Variants in FLYWCH2 observed in about 807,000 individuals in gnomAD.
FLYWCH2 encodes FLYWCH family member 2.
Under a neutral mutation model 6.0 loss-of-function variants are expected in FLYWCH2, and 2 were observed. The observed-to-expected ratio is 0.33, with a 90% CI of 0.14 to 1.04. The LOEUF (loss-of-function observed/expected upper bound fraction) is 1.04. Among genes scored for constraint, FLYWCH2 ranks in the 50% least tolerant of loss-of-function variants. The pLI, the probability that FLYWCH2 is intolerant of heterozygous loss-of-function variation, is 0.45. For missense variants in FLYWCH2, 192 were observed against 183.4 expected, an observed-to-expected ratio of 1.05 and a Z score of -0.27; for synonymous variants, 87 against 79.3, an observed-to-expected ratio of 1.10 and a Z score of -0.52.
intron 1 of FLYWCH2, among the ~76,000 whole-genome samples, chr16:2,887,824 C>T (rs2069715525): frequency 6.6e-6 from 1 of 152,002 alleles, no homozygotes; most frequent in African/African-American, 2.4e-5. Flanking sequence ...ACATCACCCT[C>T]CCAAAGTACT....
rs145624480 is a variant in FLYWCH2 at position 2,889,945 on chromosome 16, C to T, written c.-199-5275C>T. ...ATTAAAAATACGATAATTAGCCAGG[C>T]GTAGTGGTGCGTGTCTGTAGTCTCA... On this transcript the variant is annotated intron_variant, in intron 1 of 3. Transcript: ENST00000396958. 2.3e-3 allele frequency among the ~76,000 whole-genome samples: 357 copies of T among 152,074 alleles called. 2 individuals carry two copies. The highest frequency in any genetic ancestry group is 7.9e-3 in the African/African-American group (329 of 41,480).
chr16:2,887,309 C>CT (rs1404704064), intron 1 of FLYWCH2, among the ~76,000 whole-genome samples: 16 of 119,104 alleles, frequency 1.3e-4, no homozygotes, highest in South Asian at 3.2e-4. Flanking sequence ...CCATGCCCGG[C>CT]TTTCTTTTTT....
Position 2,895,224 on chromosome 16 carries a change from G to C in FLYWCH2, c.-195G>C, listed in dbSNP as rs1010352028. The C allele has an allele frequency of 2.0e-5, 3 of 152,338 alleles. No homozygotes were observed. The highest frequency in any genetic ancestry group is 7.2e-5 in the African/African-American group (3 of 41,448). 9.4% of individuals were successfully genotyped at this position (152,338 alleles called of 1,614,324 possible). A position where few individuals can be genotyped will look rare whatever the true frequency, so the allele number is the denominator to read the frequency against. ...CCATCCTTTCTGCTTCTCCAGGCCA[G>C]AAGCCAAGGAGTCCTCAGTGACGGT... On this transcript the variant is annotated 5_prime_UTR_variant, in exon 2 of 4. Transcript: ENST00000396958.
At chr16:2,888,026 A>G (rs2069717801) in intron 1 of FLYWCH2, among the ~76,000 whole-genome samples, 1 of 131,144 alleles carries the variant, frequency 7.6e-6, no homozygotes, top group African/African-American at 2.7e-5. Context: ...TTGTTTTTTA[A>G]GAGGTGGAGT....
Position 2,899,102 on chromosome 16 carries a change from G to A in FLYWCH2, c.376G>A (p.Gly126Arg), listed in dbSNP as rs1271173766. The part of the protein sequence containing the change: ...GLAAGPPEAA[G>R]ENFAPCSVAP... The stretch of plus-strand genomic sequence containing the variant: ...AGCAGCGGGGCCTCCTGAGGCTGCT[G>A]GGGAGAACTTTGCCCCCTGCTCTGT... The change falls in exon 4 of 4, where the codon GGG becomes AGG. Residue 126 changes from glycine (G) to arginine (R), a missense_variant. By Grantham distance (125) the Gly-to-Arg change is moderately radical. Transcript: ENST00000396958. 1 of 1,613,768 alleles carries A rather than the reference G, an allele frequency of 6.2e-7. No homozygotes were observed. Among genetic ancestry groups the A allele is most frequent in the Non-Finnish European group, 8.5e-7 (1 of 1,179,890 alleles).
chr16:2,899,178 C>T lies in FLYWCH2; in HGVS notation c.*29C>T, dbSNP rs780013780. 3 of 1,571,556 alleles carry T rather than the reference C, an allele frequency of 1.9e-6. No homozygotes were observed. In the Admixed American group the frequency reaches 5.2e-5, roughly 27 times the overall value. ...TGACAACAGGCGCATCCTCCCAGGC[C>T]ACCAACCCAGCCATAGGCTCTTCTC... On this transcript the variant is annotated 3_prime_UTR_variant, in exon 4 of 4. Coordinates refer to ENST00000396958, the MANE Select transcript of FLYWCH2 (RefSeq NM_138439.3).
At chr16:2,892,504 A>C (rs1289883301) in intron 1 of FLYWCH2, among the ~76,000 whole-genome samples, 2 of 148,744 alleles carry the variant, frequency 1.3e-5, no homozygotes, top group African/African-American at 5.0e-5. Flanking sequence ...TCAAAAAAAA[A>C]ACACAATTTA....
intron 1 of FLYWCH2, among the ~76,000 whole-genome samples, chr16:2,892,039 AAG>A (rs1266844483): frequency 6.6e-6 from 1 of 151,254 alleles, no homozygotes; most frequent in Non-Finnish European, 1.5e-5. Flanking sequence ...TGAAAATACA[AAG>A]ATTAGCTGGG....
intron 1 of FLYWCH2, among the ~76,000 whole-genome samples, chr16:2,894,693 C>G (rs1596338727): frequency 6.6e-6 from 1 of 152,224 alleles, no homozygotes. Context: ...CTTCAAGTGC[C>G]CACCCCCTCG....
chr16:2,896,657 G>T lies in FLYWCH2; in HGVS notation c.208G>T (p.Val70Leu), dbSNP rs765211573. Residue 70 changes from valine to leucine, a missense_variant, in exon 3 of 4, where the codon GTG (valine) becomes TTG (leucine). Coordinates refer to ENST00000396958, the MANE Select transcript of FLYWCH2 (RefSeq NM_138439.3). ...KGVHCVMSLG[V>L]PGPATLAKAL... Reference sequence around the variant, plus strand: ...TGTGCACTGTGTCATGTCCCTGGGGGTGCCCGGCCCCGCCACCCTTGCCAA... The same window carrying T: ...TGTGCACTGTGTCATGTCCCTGGGGTTGCCCGGCCCCGCCACCCTTGCCAA... The T allele has an allele frequency of 3.7e-6, 6 of 1,613,438 alleles. No individual in the cohort carries two copies. The highest frequency in any genetic ancestry group is 1.7e-6 in the Non-Finnish European group (2 of 1,179,904).
chr16:2,894,555 G>A (rs1400640540), intron 1 of FLYWCH2, among the ~76,000 whole-genome samples: 1 of 152,252 alleles, frequency 6.6e-6, no homozygotes, highest in African/African-American at 2.4e-5. Context: ...CGCCCTGTGA[G>A]GCAGATGAGC....
chr16:2,897,039 T>C, intron 3 of FLYWCH2: 1 of 556,694 alleles, frequency 1.8e-6, no homozygotes. Flanking sequence ...AGGGAGGGTC[T>C]GAGGGTGCGG....
intron 3 of FLYWCH2, 172 bp downstream of exon 3, chr16:2,896,943 C>T: frequency 3.0e-6 from 2 of 666,920 alleles, no homozygotes; most frequent in Non-Finnish European, 5.0e-6. Flanking sequence ...TGGGCATCCG[C>T]CGACCTCCAA....
chr16:2,896,613 C>T lies in FLYWCH2; in HGVS notation c.164C>T (p.Ala55Val), dbSNP rs868414973. 24 of 1,613,932 alleles carry T rather than the reference C, an allele frequency of 1.5e-5. No individual in the cohort carries two copies. In the East Asian group the frequency reaches 1.6e-4, roughly 10 times the overall value. ...LTASKDSTKV[A>V]GAKRKGVHCV... is the part of the protein sequence containing the mutation. ...GCCTCCAAAGACAGCACCAAGGTGGCGGGGGCCAAGCGCAAGGGTGTGCAC... is the reference window on the plus strand; with the variant it reads ...GCCTCCAAAGACAGCACCAAGGTGGTGGGGGCCAAGCGCAAGGGTGTGCAC... The change falls in exon 3 of 4, where the codon GCG becomes GTG. Residue 55 changes from alanine (A) to valine (V), a missense_variant. Ala to Val is a moderately conservative substitution (Grantham distance 64). Transcript: ENST00000396958.
At chr16:2,894,318 G>A (rs1458845554) in intron 1 of FLYWCH2, among the ~76,000 whole-genome samples, 1 of 152,166 alleles carries the variant, frequency 6.6e-6, no homozygotes, top group African/African-American at 2.4e-5. Context: ...GGCGGGAGGC[G>A]CTAGAGGACC....
Position 2,899,215 on chromosome 16 carries a change from C to A in FLYWCH2, c.*66C>A. On this transcript the variant is annotated 3_prime_UTR_variant, in exon 4 of 4. Coordinates refer to ENST00000396958, the MANE Select transcript of FLYWCH2 (RefSeq NM_138439.3). ...CATAGGCTCTTCTCTGTCCGCAGGGCTTCTGGGGCCAAATGGGTGAATCTT... is the reference window on the plus strand; with the variant it reads ...CATAGGCTCTTCTCTGTCCGCAGGGATTCTGGGGCCAAATGGGTGAATCTT... The A allele has an allele frequency of 3.8e-6, 4 of 1,057,518 alleles. No individual in the cohort carries two copies. Among genetic ancestry groups the A allele is most frequent in the South Asian group, 1.6e-5 (1 of 63,014 alleles). The allele number at this position is 1,057,518 out of a possible 1,614,324, so 65.5% of individuals were successfully genotyped here.
chr16:2,890,238 T>TG (rs2069741119), intron 1 of FLYWCH2, among the ~76,000 whole-genome samples: 2 of 128,176 alleles, frequency 1.6e-5, no homozygotes, highest in African/African-American at 5.8e-5. Flanking sequence ...GTTTTTTTTT[T>TG]TTTGTTTTTG....
intron 1 of FLYWCH2, among the ~76,000 whole-genome samples, chr16:2,887,313 C>CTTTTTT (rs71158114): frequency 4.3e-4 from 31 of 72,494 alleles, no homozygotes; most frequent in African/African-American, 6.7e-4. Context: ...GCCCGGCTTT[C>CTTTTTT]TTTTTTTTTT....
At chr16:2,885,083 G>A (rs2069683246) in intron 1 of FLYWCH2, among the ~76,000 whole-genome samples, 1 of 152,148 alleles carries the variant, frequency 6.6e-6, no homozygotes, top group Non-Finnish European at 1.5e-5. Context: ...AGCACTTTGG[G>A]AGGCCAAGGA....
Sources: gnomAD v4.1 joint callset for allele counts (sites outside exome capture counted in the v4.1 genomes callset) on GRCh38, gnomAD v4.1.1 for gene constraint, MANE v1.5 for transcripts, NCBI Gene and HGNC (gene_info 2026-07-23, HGNC 2026-07-21) for gene names.